Variants in THBS2 observed in about 807,000 individuals in gnomAD.
THBS2 encodes the protein thrombospondin-2.
A neutral mutation model predicts 135.2 loss-of-function variants in THBS2; 47 were observed. That is an observed-to-expected ratio of 0.35 (90% CI 0.28 to 0.44). The LOEUF is 0.44. Ranked by LOEUF, THBS2 falls within the 20% of genes least tolerant of loss-of-function variation. The pLI, the probability that THBS2 is intolerant of heterozygous loss-of-function variation, is 1.00. For synonymous variants in THBS2, 639 were observed against 633.8 expected (o/e 1.01, Z -0.12); for missense variants, 1,288 against 1,603.1 (o/e 0.80, Z 3.36).
chr6:169,251,029 C>G (rs1480757641), intron 1 of THBS2, among the ~76,000 whole-genome samples: 1 of 152,220 alleles, frequency 6.6e-6, no homozygotes, highest in East Asian at 1.9e-4. Flanking sequence ...CCGGCAAGCA[C>G]TGCACATCAC....
chr6:169,242,733 C>A (rs1395911900), intron 4 of THBS2, among the ~76,000 whole-genome samples: 2 of 141,252 alleles, frequency 1.4e-5, no homozygotes, highest in African/African-American at 5.2e-5. Flanking sequence ...ACCTTCCCAC[C>A]TTCCCACCGC....
intron 4 of THBS2, among the ~76,000 whole-genome samples, chr6:169,245,731 G>A (rs1187095207): frequency 6.7e-6 from 1 of 150,002 alleles, no homozygotes; most frequent in Non-Finnish European, 1.5e-5. Context: ...GGCAGAGCTT[G>A]CAGTGAGCCC....
Position 169,241,846 on chromosome 6 carries a change from C to T in THBS2, c.807G>A (p.Ser269=), listed in dbSNP as rs767756027. The T allele has an allele frequency of 2.7e-5, 43 of 1,612,586 alleles. No individual in the cohort carries two copies. Among genetic ancestry groups the T allele is most frequent in the South Asian group, 3.3e-5 (3 of 91,084 alleles). The change falls in exon 5 of 22, where the codon TCG becomes TCA. Residue 269 remains serine, a synonymous_variant. Transcript: ENST00000617924. The surrounding 1 kb of genome is among the most constrained non-coding windows in gnomAD (Gnocchi z 5.5). ...GGACCATGTTTCCCAGCTCCTCGCA[C>T]GAGCGTTCGCACACCTCGGGCCTCC... ...SERRPEVCER[S]CEELGNMVQE... is the part of the protein sequence containing the mutation.
intron 19 of THBS2, 115 bp downstream of exon 19, chr6:169,222,082 G>C: frequency 8.2e-7 from 1 of 1,219,170 alleles, no homozygotes; most frequent in South Asian, 1.5e-5. Context: ...ACTGTGCCTG[G>C]AGTTAAAATT....
intron 17 of THBS2, 140 bp downstream of exon 17, chr6:169,225,005 C>T: frequency 1.3e-6 from 1 of 799,032 alleles, no homozygotes; most frequent in South Asian, 1.6e-5. Flanking sequence ...TTGCATGGAC[C>T]CACAGCTTTA....
chr6:169,223,000 G>C (rs949532898), intron 18 of THBS2, among the ~76,000 whole-genome samples: 5 of 152,096 alleles, frequency 3.3e-5, no homozygotes, highest in African/African-American at 1.2e-4. Flanking sequence ...AGGATTATGA[G>C]GTCCCATTTC....
chr6:169,240,740 A>G, intron 5 of THBS2, 148 bp from the exon 6 acceptor site: 1 of 1,075,604 alleles, frequency 9.3e-7, no homozygotes, highest in Non-Finnish European at 1.3e-6. Flanking sequence ...AAGTTCCGGA[A>G]GTTGTCCTCC....
chr6:169,228,781 G>A (rs528741980), intron 14 of THBS2, among the ~76,000 whole-genome samples: 3 of 152,054 alleles, frequency 2.0e-5, no homozygotes, highest in East Asian at 3.9e-4. Context: ...AAAATGAGCC[G>A]GGCGTGGTGG....
chr6:169,241,003 T>A lies in THBS2; in HGVS notation c.892-411A>T, dbSNP rs550682796. 2.1e-5 allele frequency among the ~76,000 whole-genome samples: 3 copies of A among 139,972 alleles called. No individual in the cohort carries two copies. Among genetic ancestry groups the A allele is most frequent in the East Asian group, 2.1e-4 (1 of 4,836 alleles). 91.8% of individuals were successfully genotyped at this position (139,972 alleles called of 152,430 possible). A position where few individuals can be genotyped will look rare whatever the true frequency, so the allele number is the denominator to read the frequency against. On this transcript the variant is annotated intron_variant, in intron 5 of 21. Coordinates refer to ENST00000617924, the MANE Select transcript of THBS2 (RefSeq NM_003247.5). This position sits in a 1 kb window ranked among gnomAD's most constrained non-coding sequence, Gnocchi z 5.5. ...GCCCTCGCCACCCTCCCTGCCCCGG[T>A]CTCCTGCCATCGACCCCCTCCCTGC...
chr6:169,217,961 G>T, intron 21 of THBS2, 132 bp from the exon 22 acceptor site: 1 of 778,438 alleles, frequency 1.3e-6, no homozygotes, highest in Non-Finnish European at 2.0e-6. Context: ...TGGATGGATG[G>T]ATGGATGGAT....
In THBS2 at chr6:169,241,850, C is replaced by A. The variant is rs577401935; in HGVS notation, c.803G>T (p.Arg268Leu). Residue 268 changes from arginine to leucine, a missense_variant, in exon 5 of 22, where the codon CGC becomes CTC. Transcript: ENST00000617924. The surrounding 1 kb of genome is among the most constrained non-coding windows in gnomAD (Gnocchi z 5.5). ...SSERRPEVCE[R>L]SCEELGNMVQ... ...CATGTTTCCCAGCTCCTCGCACGAGCGTTCGCACACCTCGGGCCTCCTCTC... is the reference window on the plus strand; with the variant it reads ...CATGTTTCCCAGCTCCTCGCACGAGAGTTCGCACACCTCGGGCCTCCTCTC... 12 of 1,612,644 alleles carry A rather than the reference C, an allele frequency of 7.4e-6. No individual in the cohort carries two copies. Among genetic ancestry groups the A allele is most frequent in the Non-Finnish European group, 8.5e-6 (10 of 1,179,956 alleles).
intron 10 of THBS2, among the ~76,000 whole-genome samples, chr6:169,233,683 C>T (rs1779932978): frequency 6.7e-6 from 1 of 148,378 alleles, no homozygotes; most frequent in Admixed American, 6.7e-5. Flanking sequence ...AGGTGCCACA[C>T]CACACAACTA....
intron 19 of THBS2, 116 bp downstream of exon 19, chr6:169,222,081 G>A (rs1394647852): frequency 1.6e-6 from 2 of 1,213,010 alleles, no homozygotes; most frequent in Middle Eastern, 2.9e-4. Flanking sequence ...AACTGTGCCT[G>A]GAGTTAAAAT....
chr6:169,243,766 T>A (rs1177362325), intron 4 of THBS2, among the ~76,000 whole-genome samples: 2 of 152,250 alleles, frequency 1.3e-5, no homozygotes, highest in Middle Eastern at 3.2e-3. Flanking sequence ...CTGCTCTGGC[T>A]CTGACAGGAA....
chr6:169,226,271 G>A lies in THBS2; in HGVS notation c.2447C>T (p.Pro816Leu). The change falls in exon 16 of 22, where the codon CCC becomes CTC. Residue 816 changes from proline to leucine, a missense_variant. Around this residue, in one of 2 missense-constraint regions of THBS2, gnomAD observed 874 missense variants for 1,156.1 expected, o/e 0.76. Coordinates refer to ENST00000617924, the MANE Select transcript of THBS2 (RefSeq NM_003247.5). ...CCTCTGGTCAGTGTTGTAGACGTAG[G>A]GACAATTGTCTCGTTCATTGAAGAC... is the stretch of plus-strand genomic sequence containing the variant. The part of the protein sequence containing the change: ...DDVFNERDNC[P>L]YVYNTDQRDT... 6.2e-7 allele frequency: 1 copy of A among 1,614,056 alleles called. No homozygotes were observed. Among genetic ancestry groups the A allele is most frequent in the Non-Finnish European group, 8.5e-7 (1 of 1,179,946 alleles).
chr6:169,220,004 AT>A (rs1779366138), intron 21 of THBS2, among the ~76,000 whole-genome samples, 193 bp downstream of exon 21: 1 of 152,206 alleles, frequency 6.6e-6, no homozygotes, highest in Admixed American at 6.5e-5. Context: ...TCCAAATGCA[AT>A]TAAAAACAAA....
At chr6:169,221,724 G>A (rs1436999956) in intron 19 of THBS2, among the ~76,000 whole-genome samples, 197 bp from the exon 20 acceptor site, 1 of 152,170 alleles carries the variant, frequency 6.6e-6, no homozygotes, top group Non-Finnish European at 1.5e-5. Context: ...GTGGCTCAGG[G>A]CTGAGAGCCA....
rs565604842 is a variant in THBS2, at chr6:169,226,495, A to G, written c.2420-197T>C. ...AGAAGAACATATGACATATTTCATTACAGTTCAAATACCTTTCATTTGAAA... is the reference window on the plus strand; with the variant it reads ...AGAAGAACATATGACATATTTCATTGCAGTTCAAATACCTTTCATTTGAAA... On this transcript the variant is annotated intron_variant, in intron 15 of 21. Transcript: ENST00000617924. 2.0e-5 allele frequency among the ~76,000 whole-genome samples: 3 copies of G among 152,372 alleles called. No individual in the cohort carries two copies. In the East Asian group the frequency reaches 5.8e-4, roughly 29 times the overall value.
intron 18 of THBS2, among the ~76,000 whole-genome samples, chr6:169,222,850 C>T (rs925816153): frequency 6.6e-6 from 1 of 151,720 alleles, no homozygotes; most frequent in African/African-American, 2.4e-5. Flanking sequence ...AGGCAATCCC[C>T]AGCTTGGCCC....
Sources: gnomAD v4.1 joint callset for allele counts (sites outside exome capture counted in the v4.1 genomes callset) on GRCh38, gnomAD v4.1.1 for gene constraint, gnomAD v4.1.1 regional missense constraint, Gnocchi (gnomAD v3.1) non-coding constraint, MANE v1.5 for transcripts, NCBI Gene and HGNC (gene_info 2026-07-23, HGNC 2026-07-21) for gene names.